The following RGS7 variants were observed in gnomAD, a reference collection of about 807,000 sequenced individuals.
RGS7 encodes the protein regulator of G-protein signaling 7.
A neutral mutation model predicts 81.1 loss-of-function variants in RGS7; 27 were observed. The observed-to-expected ratio is 0.33, with a 90% confidence interval of 0.25 to 0.46. The LOEUF (loss-of-function observed/expected upper bound fraction) is 0.46. Ranked by LOEUF, RGS7 falls within the 20% of genes least tolerant of loss-of-function variation. The probability of loss-of-function intolerance (pLI) is 1.00; values close to 1 mark genes in which losing one functional copy is unlikely to be tolerated. For synonymous variants in RGS7, 208 were observed against 207.7 expected, an observed-to-expected ratio of 1.00 and a Z score of -0.01; for missense variants, 396 against 607.4, an observed-to-expected ratio of 0.65 and a Z score of 3.66.
intron 2 of RGS7, among the ~76,000 whole-genome samples, chr1:241,228,440 T>C (rs1034788818): frequency 2.6e-5 from 4 of 152,104 alleles, no homozygotes; most frequent in Admixed American, 1.3e-4. Context: ...AAAAAATGAC[T>C]GAAATAAATG....
chr1:240,861,579 T>C (rs1283299411), intron 9 of RGS7, among the ~76,000 whole-genome samples: 1 of 152,196 alleles, frequency 6.6e-6, no homozygotes, highest in African/African-American at 2.4e-5. Context: ...ATTGATATTT[T>C]ATTTTCCAGT....
intron 3 of RGS7, among the ~76,000 whole-genome samples, chr1:241,032,796 A>G (rs2060142378): frequency 2.0e-5 from 3 of 152,144 alleles, no homozygotes; most frequent in Admixed American, 2.0e-4. Flanking sequence ...TTATTTGTGT[A>G]TACAAATGCT....
Position 241,164,870 on chromosome 1 carries a change from A to G in RGS7, c.79-66108T>C, listed in dbSNP as rs189496931. On this transcript the variant is annotated intron_variant, in intron 2 of 18. Coordinates refer to ENST00000440928, the MANE Select transcript of RGS7 (RefSeq NM_001364886.1). This position sits in a 1 kb window ranked among gnomAD's most constrained non-coding sequence, Gnocchi z 4.1. The stretch of plus-strand genomic sequence containing the variant: ...TAGGGAACTATTCTCAGAATTGCCC[A>G]TAGGTCTTATATAATCTGAACATCA... Among the ~76,000 whole-genome samples the G allele has an allele frequency of 8.9e-4, 136 of 152,326 alleles. 1 individual carries two copies. The highest frequency in any genetic ancestry group is 3.2e-3 in the African/African-American group (135 of 41,586).
At chr1:240,956,080 C>T (rs1403976668) in intron 4 of RGS7, among the ~76,000 whole-genome samples, 1 of 152,084 alleles carries the variant, frequency 6.6e-6, no homozygotes, top group Non-Finnish European at 1.5e-5. Context: ...ACAAAATGAA[C>T]CTTTATACAT....
chr1:241,206,277 G>A (rs1385417083), intron 2 of RGS7, among the ~76,000 whole-genome samples: 1 of 146,272 alleles, frequency 6.8e-6, no homozygotes, highest in Non-Finnish European at 1.5e-5. Context: ...TCACCAGGCT[G>A]GGGTGCAGTG....
At chr1:240,846,296 T>C (rs1659073702) in intron 9 of RGS7, among the ~76,000 whole-genome samples, 1 of 152,230 alleles carries the variant, frequency 6.6e-6, no homozygotes, top group Non-Finnish European at 1.5e-5. Context: ...TGATTTGCTC[T>C]GCTTAAATAT....
At chr1:241,156,132 T>TAGATAGATAGATA (rs199745641) in intron 2 of RGS7, among the ~76,000 whole-genome samples, 5 of 147,020 alleles carry the variant, frequency 3.4e-5, no homozygotes, top group Admixed American at 2.0e-4. Flanking sequence ...AGATAAATGA[T>TAGATAGATAGATA]GATAGATAGA....
intron 10 of RGS7, among the ~76,000 whole-genome samples, chr1:240,818,515 C>T (rs1039107651): frequency 1.3e-5 from 2 of 152,160 alleles, no homozygotes; most frequent in Non-Finnish European, 2.9e-5. Flanking sequence ...CATATTTGAA[C>T]ATGATTAAAT....
At chr1:240,989,142 T>C (rs1686087567) in intron 3 of RGS7, among the ~76,000 whole-genome samples, 1 of 151,856 alleles carries the variant, frequency 6.6e-6, no homozygotes, top group African/African-American at 2.4e-5. Flanking sequence ...AAAAAATGTA[T>C]TAAGATACCC....
intron 2 of RGS7, among the ~76,000 whole-genome samples, chr1:241,112,064 T>C (rs1030305989): frequency 6.6e-5 from 10 of 152,156 alleles, no homozygotes; most frequent in Non-Finnish European, 1.2e-4. Flanking sequence ...TCGAGCTTAA[T>C]ATTCTTATGA....
chr1:241,146,257 CACA>C (rs144967972), intron 2 of RGS7, among the ~76,000 whole-genome samples: 5,916 of 152,074 alleles, frequency 0.039, 375 homozygotes, highest in African/African-American at 0.14. Flanking sequence ...GACAATAGAG[CACA>C]ACAACTATTT....
rs140041138 is a variant in RGS7, at chr1:240,874,807, G to A, written c.386-4688C>T. The stretch of plus-strand genomic sequence containing the variant: ...TGTAATCTCAGCAGTTTGGGAGGCT[G>A]AGGTGGGCAGATCACTTGAGCTCAG... On this transcript the variant is annotated intron_variant, in intron 6 of 18. Transcript: ENST00000440928. Among the ~76,000 whole-genome samples the A allele has an allele frequency of 6.9e-3, 1,058 of 152,244 alleles. 10 individuals carry two copies. Among genetic ancestry groups the A allele is most frequent in the African/African-American group, 0.025 (1,025 of 41,548 alleles).
chr1:241,033,982 A>G (rs965540279), intron 3 of RGS7, among the ~76,000 whole-genome samples: 1 of 152,240 alleles, frequency 6.6e-6, no homozygotes, highest in African/African-American at 2.4e-5. Flanking sequence ...TACAGTATAC[A>G]GCATATCCCA....
At chr1:240,924,259 ATTGATTC>A (rs1674057209) in intron 6 of RGS7, among the ~76,000 whole-genome samples, 1 of 152,170 alleles carries the variant, frequency 6.6e-6, no homozygotes, top group South Asian at 2.1e-4. Flanking sequence ...TGAAAGATGT[ATTGATTC>A]TCAACATCCT....
At chr1:240,956,125 T>C (rs990048618) in intron 4 of RGS7, among the ~76,000 whole-genome samples, 10 of 152,148 alleles carry the variant, frequency 6.6e-5, no homozygotes, top group Non-Finnish European at 1.5e-4. Context: ...GTGGAAACAC[T>C]TGCACAAAGC....
At position 240,993,556 on chromosome 1, in the gene RGS7, A is replaced by T. The variant is rs74848851; in HGVS notation, c.176-10427T>A. 5.6e-3 allele frequency among the ~76,000 whole-genome samples: 852 copies of T among 151,100 alleles called. 9 individuals carry two copies. The highest frequency in any genetic ancestry group is 0.017 in the African/African-American group (689 of 41,150). ...ATGTCTTTTGACCATTTTCTAATTA[A>T]TTTTTTTTGCTATTGTTTTTTCAGT... On this transcript the variant is annotated intron_variant, in intron 3 of 18. Transcript: ENST00000440928.
intron 2 of RGS7, among the ~76,000 whole-genome samples, chr1:241,161,447 C>G (rs535945731): frequency 1.1e-4 from 17 of 149,864 alleles, no homozygotes; most frequent in Middle Eastern, 3.5e-3. Flanking sequence ...CTAATAATAA[C>G]TAATGGCACA....
At chr1:240,928,429 A>G (rs1247451510) in intron 6 of RGS7, among the ~76,000 whole-genome samples, 2 of 152,112 alleles carry the variant, frequency 1.3e-5, no homozygotes, top group Non-Finnish European at 2.9e-5. Flanking sequence ...GATGTTCTGT[A>G]AATGATCTGC....
At chr1:241,183,320 C>CGGAA (rs1275274385) in intron 2 of RGS7, among the ~76,000 whole-genome samples, 1 of 152,196 alleles carries the variant, frequency 6.6e-6, no homozygotes, top group African/African-American at 2.4e-5. Context: ...CACTCAATTC[C>CGGAA]CACTATCAGC....
Sources: gnomAD v4.1 joint callset for allele counts (sites outside exome capture counted in the v4.1 genomes callset) on GRCh38, gnomAD v4.1.1 for gene constraint, Gnocchi (gnomAD v3.1) non-coding constraint, MANE v1.5 for transcripts, NCBI Gene and HGNC (gene_info 2026-07-23, HGNC 2026-07-21) for gene names.